Variants in CPQ observed in about 807,000 individuals in gnomAD.
The protein encoded by CPQ is carboxypeptidase Q.
A neutral mutation model predicts 45.7 loss-of-function variants in CPQ; 37 were observed. That is an observed-to-expected ratio of 0.81 (90% CI 0.62 to 1.07). CPQ has a LOEUF of 1.07. Among genes scored for constraint, CPQ ranks in the 50% least tolerant of loss-of-function variants. The pLI is 0.00. For missense variants in CPQ, 537 were observed against 572.9 expected (o/e 0.94, Z 0.64); for synonymous variants, 186 against 205.8 (o/e 0.90, Z 0.82).
intron 3 of CPQ, among the ~76,000 whole-genome samples, chr8:96,864,623 C>G (rs1174974078): frequency 6.6e-6 from 1 of 152,042 alleles, no homozygotes; most frequent in Non-Finnish European, 1.5e-5. Flanking sequence ...GGGTCACAAA[C>G]CAGGATAAGA....
intron 1 of CPQ, among the ~76,000 whole-genome samples, chr8:96,696,384 G>A (rs111540583): frequency 0.023 from 3,521 of 151,542 alleles, 147 homozygotes; most frequent in African/African-American, 0.081. Context: ...TGGCACATGT[G>A]TACGTATGTA....
intron 1 of CPQ, among the ~76,000 whole-genome samples, chr8:96,712,553 AC>A (rs930896077): frequency 3.9e-5 from 6 of 152,266 alleles, no homozygotes; most frequent in African/African-American, 1.4e-4. Context: ...CAGGCCCAAC[AC>A]CACATGTAAG....
intron 1 of CPQ, among the ~76,000 whole-genome samples, chr8:96,661,971 T>C (rs1048041803): frequency 2.0e-5 from 3 of 152,224 alleles, no homozygotes; most frequent in Non-Finnish European, 4.4e-5. Context: ...TATTATGGTT[T>C]TGGGCCATTC....
At chr8:96,894,563 C>A (rs1812419657) in intron 4 of CPQ, among the ~76,000 whole-genome samples, 1 of 151,876 alleles carries the variant, frequency 6.6e-6, no homozygotes, top group African/African-American at 2.4e-5. Flanking sequence ...AAAATCACAC[C>A]AAGAAATGTA....
chr8:96,940,777 T>C (rs1294883876), intron 4 of CPQ, among the ~76,000 whole-genome samples: 2 of 152,230 alleles, frequency 1.3e-5, no homozygotes, highest in African/African-American at 4.8e-5. Context: ...TTCTATCAAC[T>C]AGCCCATCTT....
chr8:96,829,317 C>T (rs920540022), intron 2 of CPQ, among the ~76,000 whole-genome samples: 2 of 152,124 alleles, frequency 1.3e-5, no homozygotes, highest in Non-Finnish European at 1.5e-5. Context: ...AGACACAGTC[C>T]GGAGAGGATG....
chr8:96,684,924 T>C (rs150345323), intron 1 of CPQ, among the ~76,000 whole-genome samples: 3,668 of 151,422 alleles, frequency 0.024, 163 homozygotes, highest in African/African-American at 0.084. Flanking sequence ...ATGGTAAAAC[T>C]CCATCTCTAC....
At chr8:96,653,215 A>T (rs187185357) in intron 1 of CPQ, among the ~76,000 whole-genome samples, 1 of 152,100 alleles carries the variant, frequency 6.6e-6, no homozygotes, top group Non-Finnish European at 1.5e-5. Flanking sequence ...GGAGTGAGCC[A>T]CAGTGCCTAG....
At chr8:96,912,816 C>T (rs78771740) in intron 4 of CPQ, among the ~76,000 whole-genome samples, 69 of 152,276 alleles carry the variant, frequency 4.5e-4, no homozygotes, top group East Asian at 4.5e-3. Flanking sequence ...TGATTCCATA[C>T]GCTTTCTTCT....
chr8:96,658,443 A>G (rs1275580488), intron 1 of CPQ, among the ~76,000 whole-genome samples: 1 of 152,220 alleles, frequency 6.6e-6, no homozygotes, highest in Non-Finnish European at 1.5e-5. Context: ...CATCCATAAA[A>G]TTGGGATAAA....
At chr8:96,938,341 G>A (rs1431348230) in intron 4 of CPQ, among the ~76,000 whole-genome samples, 1 of 152,168 alleles carries the variant, frequency 6.6e-6, no homozygotes, top group African/African-American at 2.4e-5. Context: ...AGGCTGCAAT[G>A]AACTAGCATG....
At chr8:97,120,496 T>C (rs1241660012) in intron 7 of CPQ, among the ~76,000 whole-genome samples, 1 of 152,246 alleles carries the variant, frequency 6.6e-6, no homozygotes, top group Non-Finnish European at 1.5e-5. Context: ...ATTCTTCATT[T>C]TACAAGTTTA....
In CPQ at chr8:96,867,920, A is replaced by G. The variant is rs539056685; in HGVS notation, c.642-11878A>G. 2.0e-3 allele frequency among the ~76,000 whole-genome samples: 303 copies of G among 152,048 alleles called. 3 individuals are homozygous for G. The highest frequency in any genetic ancestry group is 6.8e-3 in the African/African-American group (281 of 41,496). ...GAGTCACTCTTGGCTCACTATGGTAATCATTAGCACTGGTTTCTAGATATT... is the reference window on the plus strand; with the variant it reads ...GAGTCACTCTTGGCTCACTATGGTAGTCATTAGCACTGGTTTCTAGATATT... On this transcript the variant is annotated intron_variant, in intron 3 of 7. Coordinates refer to ENST00000220763, the MANE Select transcript of CPQ (RefSeq NM_016134.4).
intron 1 of CPQ, among the ~76,000 whole-genome samples, chr8:96,777,748 ATATATATATATATTTTTTTTTTTTTTTT>A (rs1441703404): frequency 1.1e-3 from 12 of 11,364 alleles, no homozygotes; most frequent in African/African-American, 4.8e-3. Flanking sequence ...ATATATATAT[ATATATATATATATTTTTTTTTTTTTTTT>A]TTTTTTTTTT....
intron 1 of CPQ, among the ~76,000 whole-genome samples, chr8:96,738,334 C>G (rs1295273050): frequency 6.6e-6 from 1 of 151,866 alleles, no homozygotes; most frequent in African/African-American, 2.4e-5. Context: ...TGGATTTGTC[C>G]ATTTCTCTGT....
chr8:96,697,325 C>G (rs1176853380), intron 1 of CPQ, among the ~76,000 whole-genome samples: 8 of 152,072 alleles, frequency 5.3e-5, no homozygotes, highest in Non-Finnish European at 1.2e-4. Flanking sequence ...TTCAGCATCC[C>G]TTCATGATAA....
chr8:97,044,780 C>T (rs548552104), intron 6 of CPQ, among the ~76,000 whole-genome samples: 23 of 152,296 alleles, frequency 1.5e-4, no homozygotes, highest in Non-Finnish European at 2.2e-4. Context: ...GTATCAGCAG[C>T]GGTGGCTGCA....
intron 7 of CPQ, among the ~76,000 whole-genome samples, chr8:97,128,617 G>A (rs1811886423): frequency 1.3e-5 from 2 of 152,134 alleles, no homozygotes; most frequent in South Asian, 4.1e-4. Flanking sequence ...CCTGGGAGGT[G>A]GAGGTTGCAG....
intron 1 of CPQ, among the ~76,000 whole-genome samples, chr8:96,678,099 G>C (rs1309197021): frequency 1.3e-5 from 2 of 152,084 alleles, no homozygotes; most frequent in Admixed American, 1.3e-4. Flanking sequence ...TTGAAGTTGG[G>C]TAATGGGATG....
Sources: allele counts gnomAD v4.1 joint callset (sites outside exome capture counted in the v4.1 genomes callset), GRCh38; gene constraint gnomAD v4.1.1; transcripts MANE v1.5; gene names NCBI Gene and HGNC (gene_info 2026-07-23, HGNC 2026-07-21).